Variants in ROBO1 observed in about 807,000 individuals in gnomAD.
ROBO1 encodes the protein roundabout homolog 1.
ROBO1 carries 149 observed loss-of-function variants against 195.9 expected under a neutral mutation model. That is an observed-to-expected ratio of 0.76 (90% CI 0.67 to 0.87). The LOEUF (loss-of-function observed/expected upper bound fraction) is 0.87, where lower values mean the gene tolerates loss of function less well. Ranked by LOEUF, ROBO1 falls within the 40% of genes least tolerant of loss-of-function variation. The pLI is 0.00. For missense variants in ROBO1, 1,933 were observed against 2,068.3 expected (o/e 0.93, Z 1.27); for synonymous variants, 816 against 733.2 (o/e 1.11, Z -1.82).
intron 3 of ROBO1, among the ~76,000 whole-genome samples, chr3:79,109,256 A>C (rs1207354297): frequency 1.3e-5 from 2 of 151,930 alleles, no homozygotes; most frequent in Non-Finnish European, 2.9e-5. Context: ...ATGCTAGCAT[A>C]AAACATTTGA....
intron 1 of ROBO1, among the ~76,000 whole-genome samples, chr3:79,733,460 A>G (rs968893438): frequency 1.2e-4 from 18 of 152,182 alleles, no homozygotes; most frequent in African/African-American, 4.3e-4. Flanking sequence ...ACCTCTTCTC[A>G]GTCGAATCTT....
At chr3:79,405,936 G>A (rs538044485) in intron 2 of ROBO1, among the ~76,000 whole-genome samples, 12 of 152,248 alleles carry the variant, frequency 7.9e-5, no homozygotes, top group African/African-American at 2.9e-4. Context: ...GCAGTATTAA[G>A]TTCTTGGGGA....
intron 2 of ROBO1, among the ~76,000 whole-genome samples, chr3:79,409,796 C>G (rs2037692838): frequency 6.6e-6 from 1 of 152,140 alleles, no homozygotes; most frequent in South Asian, 2.1e-4. Context: ...TCTTATAGCT[C>G]AGTCACCTCT....
chr3:79,677,799 G>T (rs1441088024), intron 1 of ROBO1, among the ~76,000 whole-genome samples: 1 of 152,080 alleles, frequency 6.6e-6, no homozygotes, highest in African/African-American at 2.4e-5. Flanking sequence ...CCTGAGAATG[G>T]ATTCATCTCC....
intron 2 of ROBO1, among the ~76,000 whole-genome samples, chr3:79,362,511 A>G (rs2035809146): frequency 6.6e-6 from 1 of 152,176 alleles, no homozygotes; most frequent in Non-Finnish European, 1.5e-5. Context: ...CAAGATTGAA[A>G]AGTATCTCTC....
At chr3:79,037,318 C>T (rs1236990029) in intron 3 of ROBO1, among the ~76,000 whole-genome samples, 1 of 152,054 alleles carries the variant, frequency 6.6e-6, no homozygotes, top group Non-Finnish European at 1.5e-5. Flanking sequence ...AGCCTTATTA[C>T]CTATATTTCA....
At chr3:78,870,850 T>C (rs975762876) in intron 4 of ROBO1, among the ~76,000 whole-genome samples, 5 of 152,180 alleles carry the variant, frequency 3.3e-5, no homozygotes, top group African/African-American at 1.2e-4. Context: ...GACCTGGCCC[T>C]CTACTTAACT....
At chr3:79,072,294 C>A (rs2079103150) in intron 3 of ROBO1, among the ~76,000 whole-genome samples, 1 of 151,796 alleles carries the variant, frequency 6.6e-6, no homozygotes, top group South Asian at 2.1e-4. Context: ...TGGATGAATT[C>A]AGGTGACATA....
chr3:79,666,539 A>G (rs1483635061), intron 1 of ROBO1, among the ~76,000 whole-genome samples: 2 of 151,960 alleles, frequency 1.3e-5, no homozygotes, highest in African/African-American at 4.8e-5. Context: ...TCGTGGGGGC[A>G]GTTCCCCTCA....
At chr3:79,082,350 G>A (rs2079289209) in intron 3 of ROBO1, among the ~76,000 whole-genome samples, 1 of 152,016 alleles carries the variant, frequency 6.6e-6, no homozygotes, top group African/African-American at 2.4e-5. Context: ...ACTCATTAAA[G>A]GTTGAGCAAA....
In ROBO1 at chr3:79,401,984, T is replaced by C. The variant is rs868246426; in HGVS notation, c.88+187840A>G. Among the ~76,000 whole-genome samples the C allele has an allele frequency of 9.2e-5, 14 of 151,988 alleles. No individual in the cohort carries two copies. In the South Asian group the frequency reaches 2.5e-3, roughly 27 times the overall value. On this transcript the variant is annotated intron_variant, in intron 2 of 30. Transcript: ENST00000464233. Reference sequence around the variant, plus strand: ...CAGTAGTGTGTGTGCTTATGTAACATTGGTAACTGCTTACTAATTTAAATT... The same window carrying C: ...CAGTAGTGTGTGTGCTTATGTAACACTGGTAACTGCTTACTAATTTAAATT...
chr3:78,946,799 A>G (rs1277607747), intron 3 of ROBO1, among the ~76,000 whole-genome samples: 2 of 152,196 alleles, frequency 1.3e-5, no homozygotes, highest in African/African-American at 2.4e-5. Context: ...AGAGACACAC[A>G]TAGGCTCAAA....
intron 2 of ROBO1, among the ~76,000 whole-genome samples, chr3:79,283,888 G>T (rs1244420984): frequency 6.6e-6 from 1 of 151,508 alleles, no homozygotes; most frequent in Non-Finnish European, 1.5e-5. Flanking sequence ...TAGTAGAGAC[G>T]GGGTTTCACC....
chr3:79,065,609 G>T (rs1239410364), intron 3 of ROBO1, among the ~76,000 whole-genome samples: 1 of 151,850 alleles, frequency 6.6e-6, no homozygotes, highest in Non-Finnish European at 1.5e-5. Flanking sequence ...CAATTTGAAA[G>T]GACTCTATTG....
rs187109562 is a variant in ROBO1, at chr3:78,897,280, A to C, written c.499+41321T>G. On this transcript the variant is annotated intron_variant, in intron 4 of 30. Coordinates refer to ENST00000464233, the MANE Select transcript of ROBO1 (RefSeq NM_002941.4). ...TCACAGGCTCTGGGGAAGGAACACA[A>C]GCATCAGTATTTTTCGAAGCACCAT... 6.6e-5 allele frequency among the ~76,000 whole-genome samples: 10 copies of C among 152,274 alleles called. No homozygotes were observed. The East Asian group carries it at 1.7e-3, about 27-fold the overall frequency.
intron 2 of ROBO1, among the ~76,000 whole-genome samples, chr3:79,291,229 C>A (rs867820902): frequency 7.9e-5 from 12 of 152,248 alleles, no homozygotes; most frequent in South Asian, 2.1e-4. Flanking sequence ...TGAACTTTTG[C>A]CTCCTTTGAA....
chr3:79,185,371 T>C (rs1190073331), intron 2 of ROBO1, among the ~76,000 whole-genome samples: 1 of 152,122 alleles, frequency 6.6e-6, no homozygotes, highest in Non-Finnish European at 1.5e-5. Flanking sequence ...AGTAGAGAGA[T>C]TTAGGACAAA....
chr3:78,843,940 C>T (rs1305811290), intron 4 of ROBO1, among the ~76,000 whole-genome samples: 1 of 152,034 alleles, frequency 6.6e-6, no homozygotes, highest in Non-Finnish European at 1.5e-5. Flanking sequence ...TTATCTTTGC[C>T]TTATCTGTAA....
chr3:79,700,041 A>G (rs1038726440), intron 1 of ROBO1, among the ~76,000 whole-genome samples: 1 of 151,424 alleles, frequency 6.6e-6, no homozygotes, highest in African/African-American at 2.4e-5. Context: ...TTATGTCCCT[A>G]AGTACCCAGT....
Sources: allele counts gnomAD v4.1 joint callset (sites outside exome capture counted in the v4.1 genomes callset), GRCh38; gene constraint gnomAD v4.1.1; transcripts MANE v1.5; gene names NCBI Gene and HGNC (gene_info 2026-07-23, HGNC 2026-07-21).